Variants in CD247 observed in about 807,000 individuals in gnomAD.
CD247 encodes CD247 molecule, also known as T-cell surface glycoprotein CD3 zeta chain.
Under a neutral mutation model 30.0 loss-of-function variants are expected in CD247, and 13 were observed. The ratio of observed to expected loss-of-function variants is 0.43; its 90% CI spans 0.28 to 0.69. The LOEUF (loss-of-function observed/expected upper bound fraction) is 0.69. Among genes scored for constraint, CD247 ranks in the 30% least tolerant of loss-of-function variants. The pLI, the probability that CD247 is intolerant of heterozygous loss-of-function variation, is 0.16. For synonymous variants in CD247, 72 were observed against 80.0 expected (o/e 0.90, Z 0.53); for missense variants, 193 against 212.6 (o/e 0.91, Z 0.57).
chr1:167,477,392 C>T (rs1653794960), intron 1 of CD247, among the ~76,000 whole-genome samples: 1 of 152,214 alleles, frequency 6.6e-6, no homozygotes, highest in South Asian at 2.1e-4. Context: ...TTTTTCCAAA[C>T]AGACCCAGAG....
chr1:167,499,630 G>A (rs563655677), intron 1 of CD247, among the ~76,000 whole-genome samples: 14 of 152,268 alleles, frequency 9.2e-5, no homozygotes, highest in East Asian at 1.9e-4. Flanking sequence ...AAAAGTAGGC[G>A]TAATAATGGA....
intron 1 of CD247, among the ~76,000 whole-genome samples, chr1:167,441,970 G>A (rs191497915): frequency 9.4e-4 from 143 of 152,234 alleles, no homozygotes; most frequent in African/African-American, 3.4e-3. Context: ...AATTAGCTGG[G>A]CGTGGTGGCT....
At chr1:167,491,869 A>C (rs1654464936) in intron 1 of CD247, among the ~76,000 whole-genome samples, 1 of 152,270 alleles carries the variant, frequency 6.6e-6, no homozygotes, top group African/African-American at 2.4e-5. Context: ...AGCCAGACAC[A>C]GAAAGACAAA....
chr1:167,447,297 A>G (rs1397584032), intron 1 of CD247, among the ~76,000 whole-genome samples: 2 of 152,142 alleles, frequency 1.3e-5, no homozygotes, highest in Non-Finnish European at 1.5e-5. Context: ...TCCCTTCTCA[A>G]TCTACCTTAT....
intron 6 of CD247, among the ~76,000 whole-genome samples, 181 bp downstream of exon 6, chr1:167,433,839 C>T (rs1651396248): frequency 6.6e-6 from 1 of 152,166 alleles, no homozygotes; most frequent in South Asian, 2.1e-4. Context: ...AGCATCAGCC[C>T]TTCCTTAGTT....
intron 1 of CD247, among the ~76,000 whole-genome samples, chr1:167,510,336 C>T (rs1453880180): frequency 6.6e-6 from 1 of 152,238 alleles, no homozygotes; most frequent in African/African-American, 2.4e-5. Context: ...CACAGCACCA[C>T]ATGCGCCAGC....
intron 1 of CD247, among the ~76,000 whole-genome samples, chr1:167,506,281 TCTTTTCTTTTTTC>T (rs1655124312): frequency 8.1e-4 from 12 of 14,742 alleles, no homozygotes; most frequent in African/African-American, 4.0e-3. Flanking sequence ...CCTTTTCTTT[TCTTTTCTTTTTTC>T]TTTTCTTTTC....
intron 1 of CD247, among the ~76,000 whole-genome samples, chr1:167,461,916 C>T (rs1256949421): frequency 6.6e-6 from 1 of 152,204 alleles, no homozygotes; most frequent in Non-Finnish European, 1.5e-5. Context: ...ACCCTCAAAC[C>T]TTAGTTGCAC....
intron 1 of CD247, among the ~76,000 whole-genome samples, chr1:167,447,073 G>A (rs895517554): frequency 2.0e-5 from 3 of 150,680 alleles, no homozygotes; most frequent in African/African-American, 7.3e-5. Context: ...TAGACTTTCT[G>A]AGAACTCCTC....
At chr1:167,493,244 T>C (rs1654532619) in intron 1 of CD247, among the ~76,000 whole-genome samples, 1 of 151,990 alleles carries the variant, frequency 6.6e-6, no homozygotes, top group South Asian at 2.1e-4. Context: ...GGCTTCACCA[T>C]ATTACCCAGG....
chr1:167,483,012 CTTT>C (rs759667831), intron 1 of CD247, among the ~76,000 whole-genome samples: 1 of 140,578 alleles, frequency 7.1e-6, no homozygotes, highest in Non-Finnish European at 1.6e-5. Flanking sequence ...TTCTTTCTTT[CTTT>C]TTTTTTTTTT....
At chr1:167,443,840 A>G (rs1651950868) in intron 1 of CD247, among the ~76,000 whole-genome samples, 1 of 152,140 alleles carries the variant, frequency 6.6e-6, no homozygotes. Context: ...TTCCCTGTGT[A>G]GGACCCTCCT....
At chr1:167,479,768 C>T (rs1006508656) in intron 1 of CD247, among the ~76,000 whole-genome samples, 4 of 152,188 alleles carry the variant, frequency 2.6e-5, no homozygotes, top group African/African-American at 9.7e-5. Flanking sequence ...TTGGAATGCC[C>T]CTTCCTCCTG....
intron 1 of CD247, among the ~76,000 whole-genome samples, chr1:167,509,406 CATT>C (rs946344884): frequency 1.4e-5 from 2 of 147,948 alleles, no homozygotes; most frequent in Non-Finnish European, 3.0e-5. Context: ...GAAAAGAAAT[CATT>C]ATCCATCTGG....
At chr1:167,489,315 T>C (rs888942870) in intron 1 of CD247, among the ~76,000 whole-genome samples, 4 of 152,140 alleles carry the variant, frequency 2.6e-5, no homozygotes, top group Non-Finnish European at 5.9e-5. Context: ...TCTTTGAAAA[T>C]ATTTATTTAA....
In CD247 at chr1:167,518,526, G is replaced by T; in HGVS notation, c.-61C>A. 6.8e-7 allele frequency: 1 copy of T among 1,462,462 alleles called. No homozygotes were observed. The highest frequency in any genetic ancestry group is 1.1e-5 in the South Asian group (1 of 87,992). 90.6% of individuals were successfully genotyped at this position (1,462,462 alleles called of 1,614,324 possible). On this transcript the variant is annotated 5_prime_UTR_variant, in exon 1 of 8. Transcript: ENST00000362089. ...AGGCTGAGGCAGCGGTGGCCGGGAC[G>T]GTTAGGAGAAAAGGAGTCTCTGCTG...
At chr1:167,477,728 T>C (rs1464462791) in intron 1 of CD247, among the ~76,000 whole-genome samples, 1 of 152,190 alleles carries the variant, frequency 6.6e-6, no homozygotes, top group Non-Finnish European at 1.5e-5. Flanking sequence ...GGAGTTTTAC[T>C]ATGTTGGCCA....
chr1:167,501,698 C>A (rs1362808417), intron 1 of CD247, among the ~76,000 whole-genome samples: 2 of 152,218 alleles, frequency 1.3e-5, no homozygotes, highest in Non-Finnish European at 2.9e-5. Flanking sequence ...GGAGCCCTGG[C>A]AGCTGTGACC....
At chr1:167,437,877 C>T (rs1317720030) in intron 4 of CD247, among the ~76,000 whole-genome samples, 1 of 152,012 alleles carries the variant, frequency 6.6e-6, no homozygotes, top group South Asian at 2.1e-4. Context: ...GTTCTCATCA[C>T]AAAAAAGTTA....
Sources: allele counts gnomAD v4.1 joint callset (sites outside exome capture counted in the v4.1 genomes callset), GRCh38; gene constraint gnomAD v4.1.1; transcripts MANE v1.5; gene names NCBI Gene and HGNC (gene_info 2026-07-23, HGNC 2026-07-21).